Variants in WWTR1 observed in about 807,000 individuals in gnomAD.
The protein encoded by WWTR1 is WW domain containing transcription regulator 1, also known as WW domain-containing transcription regulator protein 1.
In WWTR1, 13 loss-of-function variants were observed where a neutral mutation model predicts 40.1. That is an observed-to-expected ratio of 0.32 (90% CI 0.21 to 0.52). The LOEUF (loss-of-function observed/expected upper bound fraction) is 0.52, where lower values mean the gene tolerates loss of function less well. WWTR1 is among the 20% of genes least tolerant of loss of function. WWTR1 has a pLI of 0.97. For synonymous variants in WWTR1, 230 were observed against 210.1 expected, an observed-to-expected ratio of 1.09 and a Z score of -0.82; for missense variants, 436 against 523.1, an observed-to-expected ratio of 0.83 and a Z score of 1.63.
intron 1 of WWTR1, among the ~76,000 whole-genome samples, chr3:149,671,620 T>G (rs1425152518): frequency 6.6e-6 from 1 of 152,188 alleles, no homozygotes; most frequent in Non-Finnish European, 1.5e-5. Flanking sequence ...ACTATTGCAA[T>G]TTGCTTTGAA....
At chr3:149,571,956 A>T (rs1737651683) in intron 3 of WWTR1, among the ~76,000 whole-genome samples, 1 of 152,214 alleles carries the variant, frequency 6.6e-6, no homozygotes, top group African/African-American at 2.4e-5. Flanking sequence ...ACTGGTGATT[A>T]TCTCTAGTGG....
chr3:149,673,558 A>G (rs4234376), intron 1 of WWTR1, among the ~76,000 whole-genome samples: 86,614 of 152,086 alleles, frequency 0.57, 24,984 homozygotes, highest in Admixed American at 0.66. Context: ...TGGATGCATC[A>G]CTCAGCCCTG....
intron 2 of WWTR1, among the ~76,000 whole-genome samples, chr3:149,622,887 C>T (rs1740379218): frequency 9.7e-6 from 1 of 103,170 alleles, no homozygotes. Context: ...GAGACCTTGT[C>T]TCAAAATAAT....
At chr3:149,568,557 A>AAAAC (rs1737462615) in intron 3 of WWTR1, among the ~76,000 whole-genome samples, 1 of 140,116 alleles carries the variant, frequency 7.1e-6, no homozygotes, top group Non-Finnish European at 1.5e-5. Flanking sequence ...AAAAAAAAAA[A>AAAAC]AAACCATATT....
chr3:149,667,354 T>G (rs1289424566), intron 2 of WWTR1, among the ~76,000 whole-genome samples: 1 of 152,040 alleles, frequency 6.6e-6, no homozygotes, highest in Non-Finnish European at 1.5e-5. Flanking sequence ...GAGATCATCC[T>G]GGCTAACATG....
intron 4 of WWTR1, among the ~76,000 whole-genome samples, chr3:149,541,889 C>G (rs1160163811): frequency 1.3e-5 from 2 of 152,134 alleles, no homozygotes; most frequent in Non-Finnish European, 2.9e-5. Context: ...ACCCACCTAC[C>G]AGTTGAATAC....
intron 2 of WWTR1, among the ~76,000 whole-genome samples, chr3:149,629,932 G>C (rs137887593): frequency 1.1e-4 from 16 of 152,156 alleles, no homozygotes; most frequent in African/African-American, 3.9e-4. Context: ...CTGCAACCTC[G>C]ACTTCCATGA....
chr3:149,700,477 G>A (rs1371409603), intron 1 of WWTR1, among the ~76,000 whole-genome samples: 1 of 152,134 alleles, frequency 6.6e-6, no homozygotes, highest in Non-Finnish European at 1.5e-5. Context: ...TTATTTGCAA[G>A]TAGCTACTAA....
Position 149,656,950 on chromosome 3 carries a change from G to A in WWTR1, c.357C>T (p.Asp119=), listed in dbSNP as rs1349753841. 1.3e-6 allele frequency: 2 copies of A among 1,590,892 alleles called. No individual in the cohort carries two copies. Among genetic ancestry groups the A allele is most frequent in the Non-Finnish European group, 1.7e-6 (2 of 1,172,480 alleles). The change falls in exon 2 of 7, where the codon GAC becomes GAT. Residue 119 remains aspartate, a synonymous_variant. Coordinates refer to ENST00000360632, the MANE Select transcript of WWTR1 (RefSeq NM_015472.6). ...QHAHLRQQSY[D]VTDELPLPPG... Reference sequence around the variant, plus strand: ...GGGGCAGTGGCAGCTCGTCGGTCACGTCGTAGGACTGCTGGCGGAGGTGCG... The same window carrying A: ...GGGGCAGTGGCAGCTCGTCGGTCACATCGTAGGACTGCTGGCGGAGGTGCG...
At chr3:149,651,365 C>A (rs138759433) in intron 2 of WWTR1, among the ~76,000 whole-genome samples, 1 of 152,266 alleles carries the variant, frequency 6.6e-6, no homozygotes, top group East Asian at 1.9e-4. Flanking sequence ...GGAAACAGCA[C>A]TTCCAGCCAT....
In WWTR1 at chr3:149,557,061, C is replaced by CTTTTT. The variant is rs3044118; in HGVS notation, c.569-14529_569-14525dup. Reference sequence around the variant, plus strand: ...TCCTAGTGTTCCCTACTGGAATCTTCTTTTTTTTTTTTTTTTTTTTTTTTT... The same window carrying CTTTTT: ...TCCTAGTGTTCCCTACTGGAATCTTCTTTTTTTTTTTTTTTTTTTTTTTTTTTTTT... On this transcript the variant is annotated intron_variant, in intron 3 of 6. Transcript: ENST00000360632. Among the ~76,000 whole-genome samples, 1,480 of 64,330 alleles carry CTTTTT rather than the reference C, an allele frequency of 0.023. 362 individuals are homozygous for CTTTTT. In the East Asian group the frequency reaches 0.29, roughly 13 times the overall value. 42.2% of individuals were successfully genotyped at this position (64,330 alleles called of 152,430 possible).
At chr3:149,548,178 G>T (rs1736453937) in intron 3 of WWTR1, among the ~76,000 whole-genome samples, 1 of 152,132 alleles carries the variant, frequency 6.6e-6, no homozygotes, top group African/African-American at 2.4e-5. Context: ...AAGTCGCCCG[G>T]ACTCAATTCT....
intron 1 of WWTR1, among the ~76,000 whole-genome samples, chr3:149,694,661 G>A (rs56869576): frequency 0.023 from 3,442 of 152,182 alleles, 120 homozygotes; most frequent in African/African-American, 0.077. Context: ...GTATCCAAAA[G>A]ACAGGCAATA....
At chr3:149,580,241 T>C (rs980010036) in intron 2 of WWTR1, among the ~76,000 whole-genome samples, 1 of 152,258 alleles carries the variant, frequency 6.6e-6, no homozygotes, top group Non-Finnish European at 1.5e-5. Context: ...CTTTTAGTAG[T>C]ACCTTTTGTT....
chr3:149,557,360 C>T (rs1322140623), intron 3 of WWTR1, among the ~76,000 whole-genome samples: 1 of 152,168 alleles, frequency 6.6e-6, no homozygotes, highest in East Asian at 1.9e-4. Context: ...GCGTGAGCCA[C>T]TGTGCCAGGC....
intron 2 of WWTR1, among the ~76,000 whole-genome samples, chr3:149,623,893 T>C (rs1169428563): frequency 2.6e-5 from 4 of 152,236 alleles, no homozygotes; most frequent in Non-Finnish European, 5.9e-5. Flanking sequence ...CATGTAGTTT[T>C]GGCAATGTTG....
chr3:149,671,049 T>C (rs1714071860), intron 1 of WWTR1: 1 of 152,158 alleles, frequency 6.6e-6, no homozygotes, highest in Non-Finnish European at 1.5e-5. Context: ...TTTGCACTTG[T>C]ATAATACCTT....
chr3:149,552,946 C>T (rs999557374), intron 3 of WWTR1, among the ~76,000 whole-genome samples: 1 of 152,166 alleles, frequency 6.6e-6, no homozygotes. Flanking sequence ...GCTTTCCCTT[C>T]AGGCATTTCT....
intron 3 of WWTR1, among the ~76,000 whole-genome samples, chr3:149,546,515 T>C (rs1007025961): frequency 1.3e-5 from 2 of 152,184 alleles, no homozygotes; most frequent in African/African-American, 2.4e-5. Flanking sequence ...ATGTTATGCA[T>C]GTGCAGCAAA....
Sources: allele counts gnomAD v4.1 joint callset (sites outside exome capture counted in the v4.1 genomes callset), GRCh38; gene constraint gnomAD v4.1.1; transcripts MANE v1.5; gene names NCBI Gene and HGNC (gene_info 2026-07-23, HGNC 2026-07-21).